The following NMUR1 variants were observed in gnomAD, a reference collection of about 807,000 sequenced individuals.
The protein encoded by NMUR1 is neuromedin U receptor 1.
Under a neutral mutation model 18.8 loss-of-function variants are expected in NMUR1, and 16 were observed. The ratio of observed to expected loss-of-function variants is 0.85; its 90% CI spans 0.58 to 1.29. The LOEUF is 1.29. NMUR1 is among the 50% of genes most tolerant of loss of function. The pLI is 0.00. For synonymous variants in NMUR1, 258 were observed against 258.2 expected (o/e 1.00, Z 0.01); for missense variants, 529 against 580.3 (o/e 0.91, Z 0.91).
chr2:231,528,581 G>T lies in NMUR1; in HGVS notation c.440C>A (p.Ala147Asp). 6.2e-7 allele frequency: 1 copy of T among 1,614,132 alleles called. No individual in the cohort carries two copies. The highest frequency in any genetic ancestry group is 1.1e-5 in the South Asian group (1 of 91,086). Residue 147 changes from alanine (A) to aspartate (D), a missense_variant, in exon 2 of 3, where the codon GCC becomes GAC. Coordinates refer to ENST00000305141, the MANE Select transcript of NMUR1 (RefSeq NM_006056.5). ...RTLLFEMVCL[A>D]SVLNVTALSV... ...CAGGGCAGTGACGTTGAGCACTGAG[G>T]CCAGGCAGACCATCTCAAACAGTAG...
intron 2 of NMUR1, among the ~76,000 whole-genome samples, chr2:231,526,556 G>T (rs189399095): frequency 6.6e-6 from 1 of 152,234 alleles, no homozygotes; most frequent in East Asian, 1.9e-4. Context: ...AGCTGGTCCT[G>T]AGCACAGGCT....
chr2:231,528,932 G>T lies in NMUR1; in HGVS notation c.89C>A (p.Ala30Glu). 1.9e-6 allele frequency: 3 copies of T among 1,614,066 alleles called. No homozygotes were observed. The highest frequency in any genetic ancestry group is 2.5e-6 in the Non-Finnish European group (3 of 1,179,996). Residue 30 changes from alanine (A) to glutamate (E), a missense_variant, in exon 2 of 3, where the codon GCG (alanine) becomes GAG (glutamate). Transcript: ENST00000305141. ...ARNPMACNGS[A>E]ARGHFDPEDL... is the part of the protein sequence containing the mutation. ...CTCAGGGTCAAAGTGCCCCCTGGCCGCACTGCCATTGCAAGCCATGGGGTT... is the reference window on the plus strand; with the variant it reads ...CTCAGGGTCAAAGTGCCCCCTGGCCTCACTGCCATTGCAAGCCATGGGGTT...
intron 2 of NMUR1, 88 bp from the exon 3 acceptor site, chr2:231,525,513 A>T: frequency 4.3e-6 from 6 of 1,403,062 alleles, no homozygotes; most frequent in Non-Finnish European, 5.8e-6. Flanking sequence ...CCATTTTCAC[A>T]TCCTCTCCTA....
At position 231,530,383 on chromosome 2, in the gene NMUR1, C is replaced by G; in HGVS notation, c.-22G>C. On this transcript the variant is annotated 5_prime_UTR_variant, in exon 1 of 3. Transcript: ENST00000305141. ...CCATGCGGCCCGCGGCCCGCGAGACCCCGGCTTCCACCCTCCGAGCGACGG... is the reference window on the plus strand; with the variant it reads ...CCATGCGGCCCGCGGCCCGCGAGACGCCGGCTTCCACCCTCCGAGCGACGG... 1 of 1,485,728 alleles carries G rather than the reference C, an allele frequency of 6.7e-7. No homozygotes were observed. Among genetic ancestry groups the G allele is most frequent in the Non-Finnish European group, 8.9e-7 (1 of 1,125,254 alleles). 92.0% of individuals were successfully genotyped at this position (1,485,728 alleles called of 1,614,324 possible). A position where few individuals can be genotyped will look rare whatever the true frequency, so the allele number is the denominator to read the frequency against.
chr2:231,522,299 C>T (rs1358671003), downstream of NMUR1, among the ~76,000 whole-genome samples: 1 of 151,750 alleles, frequency 6.6e-6, no homozygotes, highest in Admixed American at 6.6e-5. Context: ...GGGCACCCTT[C>T]TAACAACCCC....
Position 231,529,164 on chromosome 2 carries a change from G to T in NMUR1, c.4-147C>A, listed in dbSNP as rs1317094244. On this transcript the variant is annotated intron_variant, in intron 1 of 2. Transcript: ENST00000305141. ...AAAGAAAAAACTCTTCCATCCACAA[G>T]TCAGAGATGTAAAAATAAGCTTGGT... 4.9e-6 allele frequency: 4 copies of T among 814,822 alleles called. No homozygotes were observed. The East Asian group carries it at 1.1e-4, about 22-fold the overall frequency. 50.5% of individuals were successfully genotyped at this position (814,822 alleles called of 1,614,324 possible). A position where few individuals can be genotyped will look rare whatever the true frequency, so the allele number is the denominator to read the frequency against.
downstream of NMUR1, among the ~76,000 whole-genome samples, chr2:231,520,408 G>A (rs375257486): frequency 1.5e-4 from 23 of 152,346 alleles, no homozygotes; most frequent in East Asian, 2.1e-3. Context: ...CAGGTCCCAC[G>A]TTGGGTCACC....
downstream of NMUR1, among the ~76,000 whole-genome samples, chr2:231,522,536 G>A (rs866624488): frequency 8.6e-5 from 13 of 151,790 alleles, no homozygotes; most frequent in Admixed American, 5.2e-4. Context: ...AGGTGCTCAC[G>A]GCTCTGCACA....
At chr2:231,522,025 G>A (rs1346441414), downstream of NMUR1, among the ~76,000 whole-genome samples, 2 of 137,164 alleles carry the variant, frequency 1.5e-5, no homozygotes, top group African/African-American at 5.5e-5. Context: ...ATTTGCCCAG[G>A]CTGGAGTACA....
At chr2:231,519,353 C>G (rs1186886834), downstream of NMUR1, among the ~76,000 whole-genome samples, 1 of 152,234 alleles carries the variant, frequency 6.6e-6, no homozygotes, top group African/African-American at 2.4e-5. Context: ...GCCTTTGATC[C>G]TGCCCAGTCC....
chr2:231,520,296 C>T (rs570517692), downstream of NMUR1, among the ~76,000 whole-genome samples: 2 of 152,278 alleles, frequency 1.3e-5, no homozygotes, highest in South Asian at 2.1e-4. Context: ...AGAAAAAGGG[C>T]GGAACCCAAG....
chr2:231,520,252 C>T (rs1224036335), downstream of NMUR1, among the ~76,000 whole-genome samples: 1 of 152,156 alleles, frequency 6.6e-6, no homozygotes, highest in Non-Finnish European at 1.5e-5. Flanking sequence ...CTCAGTAGCT[C>T]AAATATCAAC....
At chr2:231,525,521 C>T in intron 2 of NMUR1, 96 bp from the exon 3 acceptor site, 1 of 1,374,490 alleles carries the variant, frequency 7.3e-7, no homozygotes, top group Non-Finnish European at 9.9e-7. Flanking sequence ...ACATCCTCTC[C>T]TATCCCACAG....
chr2:231,528,471 C>T lies in NMUR1; in HGVS notation c.550G>A (p.Ala184Thr), dbSNP rs779624415. ...TRAHVRRVLGAVWGLAMLCSL... is the reference protein window; with the variant it reads ...TRAHVRRVLGTVWGLAMLCSL... ...CAGAGCATGGCAAGACCCCAGACGG[C>T]CCCAAGCACTCGGCGCACATGGGCC... The change falls in exon 2 of 3, where the codon GCC becomes ACC. Residue 184 changes from alanine (A) to threonine (T), a missense_variant. Physicochemically the swap from Ala to Thr is moderately conservative, Grantham distance 58. Transcript: ENST00000305141. The T allele has an allele frequency of 4.3e-6, 7 of 1,613,474 alleles. No homozygotes were observed. Among genetic ancestry groups the T allele is most frequent in the Non-Finnish European group, 5.1e-6 (6 of 1,180,032 alleles).
In NMUR1 at chr2:231,528,645, G is replaced by T. The variant is rs762181436; in HGVS notation, c.376C>A (p.Pro126Thr). Residue 126 changes from proline to threonine, a missense_variant, in exon 2 of 3, where the codon CCC becomes ACC. Pro to Thr is a conservative substitution (Grantham distance 38). Transcript: ENST00000305141. ...CAGCCACCAACGCCCAGCAGGAAGG[G>T]GTAGTTGTGCCACATCTCATAGAGC... is the stretch of plus-strand genomic sequence containing the variant. ...LELYEMWHNY[P>T]FLLGVGGCYF... The T allele has an allele frequency of 8.1e-6, 13 of 1,614,122 alleles. No individual in the cohort carries two copies. The highest frequency in any genetic ancestry group is 2.5e-6 in the Non-Finnish European group (3 of 1,180,052).
chr2:231,522,250 G>C (rs913960136), downstream of NMUR1, among the ~76,000 whole-genome samples: 1 of 151,276 alleles, frequency 6.6e-6, no homozygotes, highest in African/African-American at 2.4e-5. Context: ...TTCCCGAAGA[G>C]CTGGGATTAC....
chr2:231,519,989 C>G (rs2047292648), downstream of NMUR1, among the ~76,000 whole-genome samples: 1 of 152,146 alleles, frequency 6.6e-6, no homozygotes, highest in Non-Finnish European at 1.5e-5. Context: ...TTTCTAGGAT[C>G]AAATTCTGAA....
downstream of NMUR1, among the ~76,000 whole-genome samples, chr2:231,520,649 C>T (rs2047296741): frequency 6.6e-6 from 1 of 152,042 alleles, no homozygotes; most frequent in Admixed American, 6.6e-5. Flanking sequence ...CAGCACGCTA[C>T]AAAGAAATTT....
downstream of NMUR1, among the ~76,000 whole-genome samples, chr2:231,519,236 C>T (rs1289985032): frequency 6.6e-6 from 1 of 152,156 alleles, no homozygotes; most frequent in African/African-American, 2.4e-5. Flanking sequence ...CTGCAGCTTC[C>T]AGGCTCTCCA....
Sources: gnomAD v4.1 joint callset for allele counts (sites outside exome capture counted in the v4.1 genomes callset) on GRCh38, gnomAD v4.1.1 for gene constraint, MANE v1.5 for transcripts, NCBI Gene and HGNC (gene_info 2026-07-23, HGNC 2026-07-21) for gene names.